Variants in DPP10 observed in about 807,000 individuals in gnomAD.
DPP10 encodes dipeptidyl peptidase like 10, also known as inactive dipeptidyl peptidase 10.
Under a neutral mutation model 120.9 loss-of-function variants are expected in DPP10, and 33 were observed. The ratio of observed to expected loss-of-function variants is 0.27; its 90% CI spans 0.21 to 0.37. The LOEUF is 0.37. DPP10 is among the 10% of genes least tolerant of loss of function. DPP10 has a pLI of 1.00. For synonymous variants in DPP10, 337 were observed against 326.1 expected (o/e 1.03, Z -0.36); for missense variants, 816 against 942.8 (o/e 0.87, Z 1.76).
intron 7 of DPP10, among the ~76,000 whole-genome samples, chr2:115,711,915 GGTTTTT>G (rs1391508128): frequency 6.2e-5 from 6 of 96,986 alleles, no homozygotes; most frequent in Admixed American, 1.2e-4. Flanking sequence ...AAAATGGTCT[GGTTTTT>G]TTTTTTTTTT....
intron 1 of DPP10, among the ~76,000 whole-genome samples, chr2:115,009,404 G>T (rs1573284536): frequency 6.7e-6 from 1 of 149,168 alleles, no homozygotes. Context: ...ACAGGAAGGG[G>T]AATATCACAC....
chr2:115,467,648 T>C (rs1374084357), intron 3 of DPP10, among the ~76,000 whole-genome samples: 1 of 152,128 alleles, frequency 6.6e-6, no homozygotes, highest in Non-Finnish European at 1.5e-5. Context: ...GTGAGGTTGA[T>C]TTAACTGCTA....
intron 3 of DPP10, among the ~76,000 whole-genome samples, chr2:115,464,136 T>G (rs1472729673): frequency 1.3e-5 from 2 of 152,160 alleles, no homozygotes; most frequent in East Asian, 1.9e-4. Context: ...TACTCTAGAT[T>G]ACCCTGAAAT....
intron 1 of DPP10, among the ~76,000 whole-genome samples, chr2:114,847,206 A>T (rs923173103): frequency 1.3e-5 from 2 of 151,968 alleles, no homozygotes; most frequent in Non-Finnish European, 2.9e-5. Context: ...CTTTGCCTGA[A>T]ACTCTGCTCC....
intron 1 of DPP10, among the ~76,000 whole-genome samples, chr2:114,654,139 C>T (rs1696806240): frequency 6.6e-6 from 1 of 152,074 alleles, no homozygotes; most frequent in Non-Finnish European, 1.5e-5. Flanking sequence ...CCCTACTGTC[C>T]TACTGCTATT....
chr2:115,834,722 A>G (rs1334782252), intron 21 of DPP10, among the ~76,000 whole-genome samples: 3 of 152,202 alleles, frequency 2.0e-5, no homozygotes, highest in African/African-American at 7.2e-5. Flanking sequence ...TGGAATATAG[A>G]GAAGACAATT....
chr2:115,769,342 A>G lies in DPP10; in HGVS notation c.1221+938A>G, dbSNP rs540148545. Among the ~76,000 whole-genome samples, 66 of 152,174 alleles carry G rather than the reference A, an allele frequency of 4.3e-4. 1 individual carries two copies. Among genetic ancestry groups the G allele is most frequent in the African/African-American group, 1.5e-3 (64 of 41,578 alleles). ...CTAATTTTATGTTTTTAGAACCTTT[A>G]AGACCTGTGCACATTCTCAAATGAT... On this transcript the variant is annotated intron_variant, in intron 13 of 25. Transcript: ENST00000410059.
intron 1 of DPP10, among the ~76,000 whole-genome samples, chr2:115,177,880 C>T (rs1424658678): frequency 2.0e-5 from 3 of 152,134 alleles, no homozygotes; most frequent in Non-Finnish European, 4.4e-5. Flanking sequence ...TCTCCTGCCT[C>T]AGCCTCCTGA....
chr2:115,527,803 A>G (rs375429445), intron 5 of DPP10, among the ~76,000 whole-genome samples: 1 of 152,294 alleles, frequency 6.6e-6, no homozygotes, highest in Non-Finnish European at 1.5e-5. Flanking sequence ...AATTGAAACT[A>G]CAATAGAATA....
At chr2:115,593,295 G>C (rs76691335) in intron 5 of DPP10, among the ~76,000 whole-genome samples, 2 of 152,168 alleles carry the variant, frequency 1.3e-5, no homozygotes, top group Admixed American at 6.5e-5. Context: ...TGCATGGCAC[G>C]GTGCCTCTAT....
At chr2:114,556,730 G>T (rs969205744) in intron 1 of DPP10, among the ~76,000 whole-genome samples, 15 of 152,106 alleles carry the variant, frequency 9.9e-5, no homozygotes, top group African/African-American at 3.1e-4. Context: ...TTTCAGATTT[G>T]GAGGTCTAAT....
At chr2:115,496,741 A>C (rs2076414411) in intron 3 of DPP10, among the ~76,000 whole-genome samples, 1 of 152,062 alleles carries the variant, frequency 6.6e-6, no homozygotes, top group Non-Finnish European at 1.5e-5. Context: ...CTTCCTATCC[A>C]CTGCAAAAAC....
At chr2:115,274,489 G>C (rs1000798645) in intron 1 of DPP10, among the ~76,000 whole-genome samples, 1 of 151,842 alleles carries the variant, frequency 6.6e-6, no homozygotes, top group African/African-American at 2.4e-5. Context: ...GAGAAGTTCC[G>C]AGATCCTCCA....
chr2:114,578,928 T>A (rs1239204578), intron 1 of DPP10, among the ~76,000 whole-genome samples: 1 of 152,232 alleles, frequency 6.6e-6, no homozygotes, highest in Non-Finnish European at 1.5e-5. Context: ...TTGATTTATG[T>A]GAAAATTAAA....
At chr2:115,639,704 A>T (rs1218229577) in intron 5 of DPP10, among the ~76,000 whole-genome samples, 1 of 152,140 alleles carries the variant, frequency 6.6e-6, no homozygotes, top group Non-Finnish European at 1.5e-5. Flanking sequence ...TTGTTAAAAC[A>T]TGTAGATTTC....
At chr2:114,718,725 A>T (rs1701515516) in intron 1 of DPP10, among the ~76,000 whole-genome samples, 1 of 152,182 alleles carries the variant, frequency 6.6e-6, no homozygotes, top group Non-Finnish European at 1.5e-5. Context: ...TAATCAGTAG[A>T]TGTAGATACA....
At chr2:115,662,459 A>G (rs2089077785) in intron 5 of DPP10, among the ~76,000 whole-genome samples, 1 of 147,864 alleles carries the variant, frequency 6.8e-6, no homozygotes, top group African/African-American at 2.5e-5. Context: ...CAACTTCTGT[A>G]TTGTTTTCTA....
chr2:114,953,212 A>G (rs1017103227), intron 1 of DPP10, among the ~76,000 whole-genome samples: 1 of 152,204 alleles, frequency 6.6e-6, no homozygotes, highest in Non-Finnish European at 1.5e-5. Context: ...TTATAAATGT[A>G]GCCCAGTGGT....
chr2:114,493,059 A>C (rs996240841), intron 1 of DPP10, among the ~76,000 whole-genome samples: 1 of 152,210 alleles, frequency 6.6e-6, no homozygotes, highest in Non-Finnish European at 1.5e-5. Context: ...TGTAGTGCCA[A>C]GTAGACAGGT....
Sources: gnomAD v4.1 joint callset for allele counts (sites outside exome capture counted in the v4.1 genomes callset) on GRCh38, gnomAD v4.1.1 for gene constraint, MANE v1.5 for transcripts, NCBI Gene and HGNC (gene_info 2026-07-23, HGNC 2026-07-21) for gene names.